SLC26A11: variants seen among roughly 807,000 people sequenced by gnomAD.
SLC26A11 encodes sodium-independent sulfate anion transporter.
Under a neutral mutation model 62.2 loss-of-function variants are expected in SLC26A11, and 58 were observed. The observed-to-expected ratio is 0.93, with a 90% CI of 0.76 to 1.16. The LOEUF is 1.16. Among genes scored for constraint, SLC26A11 ranks in the 50% most tolerant of loss-of-function variants. SLC26A11 has a pLI of 0.00. For synonymous variants in SLC26A11, 411 were observed against 368.9 expected (o/e 1.11, Z -1.31); for missense variants, 790 against 794.3 (o/e 0.99, Z 0.06).
chr17:80,240,482 C>A (rs2042830868), intron 9 of SLC26A11, among the ~76,000 whole-genome samples: 1 of 152,152 alleles, frequency 6.6e-6, no homozygotes, highest in Admixed American at 6.5e-5. Context: ...GTCATCTCAA[C>A]TGGTCATAAA....
At position 80,246,061 on chromosome 17, in the gene SLC26A11, G is replaced by A. The variant is rs1369457353; in HGVS notation, c.1098-93G>A. 3 of 1,471,132 alleles carry A rather than the reference G, an allele frequency of 2.0e-6. No homozygotes were observed. The Admixed American group carries it at 5.0e-5, about 25-fold the overall frequency. The allele number at this position is 1,471,132 out of a possible 1,614,324, so 91.1% of individuals were successfully genotyped here. A position where few individuals can be genotyped will look rare whatever the true frequency, so the allele number is the denominator to read the frequency against. ...TGCTTCCCAAGCCGTGCTGGGAGCT[G>A]ACGTCCCCTCGGAAGATCAGCCACA... On this transcript the variant is annotated intron_variant, in intron 11 of 17. Coordinates refer to ENST00000361193, the MANE Select transcript of SLC26A11 (RefSeq NM_001166347.2). This position sits in a 1 kb window ranked among gnomAD's most constrained non-coding sequence, Gnocchi z 4.4.
chr17:80,252,589 T>C lies in SLC26A11; in HGVS notation c.1730-36T>C, dbSNP rs766082970. ...AACTGACCCATCCTCACTTCTGAGC[T>C]TTTAGTGCTTGAAACATTTATTGTA... On this transcript the variant is annotated intron_variant, in intron 17 of 17. Coordinates refer to ENST00000361193, the MANE Select transcript of SLC26A11 (RefSeq NM_001166347.2). This position sits in a 1 kb window ranked among gnomAD's most constrained non-coding sequence, Gnocchi z 5.2. 1.9e-6 allele frequency: 3 copies of C among 1,601,622 alleles called. No homozygotes were observed. The highest frequency in any genetic ancestry group is 2.6e-6 in the Non-Finnish European group (3 of 1,170,316).
At chr17:80,241,925 G>A in intron 10 of SLC26A11, 104 bp downstream of exon 10, 1 of 1,307,656 alleles carries the variant, frequency 7.6e-7, no homozygotes, top group Non-Finnish European at 1.1e-6. Context: ...TGATGGTGGT[G>A]ATGAACTGGG....
At position 80,246,406 on chromosome 17, in the gene SLC26A11, C is replaced by A. The variant is rs2042997785; in HGVS notation, c.1154-103C>A. The A allele has an allele frequency of 1.3e-6, 2 of 1,524,946 alleles. No individual in the cohort carries two copies. The highest frequency in any genetic ancestry group is 8.8e-7 in the Non-Finnish European group (1 of 1,130,786). 94.5% of individuals were successfully genotyped at this position (1,524,946 alleles called of 1,614,324 possible). On this transcript the variant is annotated intron_variant, in intron 12 of 17. Coordinates refer to ENST00000361193, the MANE Select transcript of SLC26A11 (RefSeq NM_001166347.2). The surrounding 1 kb of genome is among the most constrained non-coding windows in gnomAD (Gnocchi z 4.4). Reference sequence around the variant, plus strand: ...GGGCCTTGGCAGTCGTCGCCCTACCCCCACCCCTGTCCCCAGTGGGCTCTG... The same window carrying A: ...GGGCCTTGGCAGTCGTCGCCCTACCACCACCCCTGTCCCCAGTGGGCTCTG...
rs763873938 is a variant in SLC26A11 at position 80,221,542 on chromosome 17, C to T, written c.-13-6C>T. 3.2e-6 allele frequency: 5 copies of T among 1,550,932 alleles called. No homozygotes were observed. The highest frequency in any genetic ancestry group is 1.4e-5 in the African/African-American group (1 of 73,990). On this transcript the variant is annotated splice_polypyrimidine_tract_variant and splice_region_variant and intron_variant, in intron 2 of 17. Transcript: ENST00000361193. The stretch of plus-strand genomic sequence containing the variant: ...ACTGCTGGTCTGTGTCACCTGCACC[C>T]CCCAGCCCCACCGTAGAGATGCCTT...
rs770102205 is a variant in SLC26A11 at position 80,249,306 on chromosome 17, G to A, written c.1656+19G>A. ...CCTGCAGGTGGGTGTGCACTGGGCT[G>A]CCTTAGGGGTTAGCAGCTGCCGGAA... On this transcript the variant is annotated intron_variant, in intron 16 of 17. Transcript: ENST00000361193. 8.7e-6 allele frequency: 14 copies of A among 1,606,434 alleles called. No individual in the cohort carries two copies. The highest frequency in any genetic ancestry group is 5.1e-6 in the Non-Finnish European group (6 of 1,179,736).
At chr17:80,229,269 G>C (rs1327271487) in intron 7 of SLC26A11, among the ~76,000 whole-genome samples, 1 of 152,058 alleles carries the variant, frequency 6.6e-6, no homozygotes, top group Non-Finnish European at 1.5e-5. Context: ...AACACTGAGA[G>C]TCTGGTGGGG....
intron 5 of SLC26A11, among the ~76,000 whole-genome samples, chr17:80,224,448 TGAGTGTGA>T (rs778835719): frequency 2.0e-4 from 28 of 142,926 alleles, no homozygotes; most frequent in East Asian, 8.4e-4. Flanking sequence ...TGTGAGAGTG[TGAGTGTGA>T]GAGTGTGAGT....
In SLC26A11 at chr17:80,246,253, G is replaced by A. The variant is rs780196773; in HGVS notation, c.1153+44G>A. 1.9e-4 allele frequency: 304 copies of A among 1,584,272 alleles called. No homozygotes were observed. Among genetic ancestry groups the A allele is most frequent in the Non-Finnish European group, 2.6e-4 (300 of 1,166,340 alleles). ...CCCTTGTGCCCGCAGCCCTGAGAGT[G>A]GGAGAAAGGGAGGAGGGGGCCCACA... On this transcript the variant is annotated intron_variant, in intron 12 of 17. Coordinates refer to ENST00000361193, the MANE Select transcript of SLC26A11 (RefSeq NM_001166347.2). The surrounding 1 kb of genome is among the most constrained non-coding windows in gnomAD (Gnocchi z 4.4).
At chr17:80,231,786 T>C (rs1338923198) in intron 7 of SLC26A11, among the ~76,000 whole-genome samples, 1 of 152,232 alleles carries the variant, frequency 6.6e-6, no homozygotes, top group Non-Finnish European at 1.5e-5. Context: ...TTTAGTTCCA[T>C]TGTGATAAGA....
intron 7 of SLC26A11, among the ~76,000 whole-genome samples, chr17:80,234,067 C>T (rs1023862407): frequency 6.6e-5 from 10 of 151,972 alleles, no homozygotes; most frequent in South Asian, 4.1e-4. Flanking sequence ...TGCAGTGGCA[C>T]GATCTTGGCT....
intron 9 of SLC26A11, among the ~76,000 whole-genome samples, chr17:80,241,100 G>A (rs1218002994): frequency 2.0e-5 from 3 of 152,196 alleles, no homozygotes; most frequent in Non-Finnish European, 4.4e-5. Flanking sequence ...ACAAGATCCT[G>A]TACTATCTGT....
rs997973445 is a variant in SLC26A11, at chr17:80,246,043, C to T, written c.1098-111C>T. The stretch of plus-strand genomic sequence containing the variant: ...CCCCTTGCAGTCCCCGCCTGCTTCC[C>T]AAGCCGTGCTGGGAGCTGACGTCCC... On this transcript the variant is annotated intron_variant, in intron 11 of 17. Coordinates refer to ENST00000361193, the MANE Select transcript of SLC26A11 (RefSeq NM_001166347.2). This position sits in a 1 kb window ranked among gnomAD's most constrained non-coding sequence, Gnocchi z 4.4. The T allele has an allele frequency of 5.2e-6, 7 of 1,351,686 alleles. No homozygotes were observed. The highest frequency in any genetic ancestry group is 7.4e-6 in the Non-Finnish European group (7 of 944,942). The allele number at this position is 1,351,686 out of a possible 1,614,324, so 83.7% of individuals were successfully genotyped here. A position where few individuals can be genotyped will look rare whatever the true frequency, so the allele number is the denominator to read the frequency against.
intron 9 of SLC26A11, among the ~76,000 whole-genome samples, chr17:80,240,679 T>C (rs1217407237): frequency 6.6e-6 from 1 of 151,866 alleles, no homozygotes; most frequent in Non-Finnish European, 1.5e-5. Context: ...GGCATGCCCC[T>C]GTAGTCCCAG....
At position 80,227,711 on chromosome 17, in the gene SLC26A11, C is replaced by G. The variant is rs1377219989; in HGVS notation, c.594-107C>G. Reference sequence around the variant, plus strand: ...GACCAGCAGCCTGGGCATTGGGCCTCCCTGGGAGCTTCTTAGTGCCTCTCA... The same window carrying G: ...GACCAGCAGCCTGGGCATTGGGCCTGCCTGGGAGCTTCTTAGTGCCTCTCA... On this transcript the variant is annotated intron_variant, in intron 6 of 17. Transcript: ENST00000361193. The G allele has an allele frequency of 3.1e-5, 47 of 1,495,738 alleles. 1 individual carries two copies. In the Admixed American group the frequency reaches 8.9e-4, roughly 28 times the overall value. 92.7% of individuals were successfully genotyped at this position (1,495,738 alleles called of 1,614,324 possible).
intron 9 of SLC26A11, among the ~76,000 whole-genome samples, chr17:80,238,522 C>G (rs2042761220): frequency 6.6e-6 from 1 of 152,196 alleles, no homozygotes; most frequent in South Asian, 2.1e-4. Context: ...CCTTCAGTGT[C>G]TGTTTTGAGT....
In SLC26A11 at chr17:80,246,048, C is replaced by G; in HGVS notation, c.1098-106C>G. 7.3e-7 allele frequency: 1 copy of G among 1,370,906 alleles called. No individual in the cohort carries two copies. The highest frequency in any genetic ancestry group is 1.8e-4 in the Middle Eastern group (1 of 5,612). 84.9% of individuals were successfully genotyped at this position (1,370,906 alleles called of 1,614,324 possible). On this transcript the variant is annotated intron_variant, in intron 11 of 17. Coordinates refer to ENST00000361193, the MANE Select transcript of SLC26A11 (RefSeq NM_001166347.2). This position sits in a 1 kb window ranked among gnomAD's most constrained non-coding sequence, Gnocchi z 4.4. ...TGCAGTCCCCGCCTGCTTCCCAAGCCGTGCTGGGAGCTGACGTCCCCTCGG... is the reference window on the plus strand; with the variant it reads ...TGCAGTCCCCGCCTGCTTCCCAAGCGGTGCTGGGAGCTGACGTCCCCTCGG...
chr17:80,228,367 G>A lies in SLC26A11; in HGVS notation c.736+407G>A, dbSNP rs1014178141. 1.8e-4 allele frequency among the ~76,000 whole-genome samples: 27 copies of A among 152,068 alleles called. No homozygotes were observed. The highest frequency in any genetic ancestry group is 1.6e-3 in the Admixed American group (25 of 15,256). On this transcript the variant is annotated intron_variant, in intron 7 of 17. Coordinates refer to ENST00000361193, the MANE Select transcript of SLC26A11 (RefSeq NM_001166347.2). The surrounding 1 kb of genome is among the most constrained non-coding windows in gnomAD (Gnocchi z 4.1). The stretch of plus-strand genomic sequence containing the variant: ...ATACTGGTCTCAAACTCCTGACCTC[G>A]AGTGATCTGCCTGCCTCGGCCTCCC...
chr17:80,241,723 G>A (rs1368304213), intron 9 of SLC26A11, 48 bp from the exon 10 acceptor site: 2 of 1,580,512 alleles, frequency 1.3e-6, no homozygotes, highest in Non-Finnish European at 1.7e-6. Context: ...TACTTTTTGA[G>A]CGATGTTGAA....
Sources: gnomAD v4.1 joint callset for allele counts (sites outside exome capture counted in the v4.1 genomes callset) on GRCh38, gnomAD v4.1.1 for gene constraint, Gnocchi (gnomAD v3.1) non-coding constraint, MANE v1.5 for transcripts, NCBI Gene and HGNC (gene_info 2026-07-23, HGNC 2026-07-21) for gene names.